PDXK: variants seen among roughly 807,000 people sequenced by gnomAD.
PDXK encodes epididymis secretory sperm binding protein Li 1a.
In PDXK, 15 loss-of-function variants were observed where a neutral mutation model predicts 43.2. The observed-to-expected ratio is 0.35, with a 90% CI of 0.23 to 0.53. The LOEUF (loss-of-function observed/expected upper bound fraction) is 0.53, where lower values mean the gene tolerates loss of function less well. PDXK is among the 20% of genes least tolerant of loss of function. PDXK has a pLI of 0.92. For missense variants in PDXK, 343 were observed against 417.0 expected, an observed-to-expected ratio of 0.82 and a Z score of 1.54; for synonymous variants, 172 against 165.4, an observed-to-expected ratio of 1.04 and a Z score of -0.31.
rs981561610 is a variant in PDXK, at chr21:43,719,595, G to A, written c.87+214G>A. 3.0e-6 allele frequency: 3 copies of A among 984,970 alleles called. No homozygotes were observed. The East Asian group carries it at 3.4e-4, about 112-fold the overall frequency. The allele number at this position is 984,970 out of a possible 1,614,324, so 61.0% of individuals were successfully genotyped here. On this transcript the variant is annotated intron_variant, in intron 1 of 10. Coordinates refer to ENST00000291565, the MANE Select transcript of PDXK (RefSeq NM_003681.5). The stretch of plus-strand genomic sequence containing the variant: ...CTGAGCGCTCTGCGGGCCCCTGCGG[G>A]TGGGACGGGTCCGGCGTCGGGGTAC...
chr21:43,736,478 C>T (rs1306994595), intron 2 of PDXK, among the ~76,000 whole-genome samples: 7 of 152,186 alleles, frequency 4.6e-5, no homozygotes, highest in Admixed American at 4.6e-4. Flanking sequence ...TGGGGTCATG[C>T]TGCCATGAAC....
intron 2 of PDXK, chr21:43,738,337 G>GT (rs2083438497): frequency 6.6e-6 from 1 of 152,356 alleles, no homozygotes. Flanking sequence ...ACCAGCCCTG[G>GT]TGACACCTGG....
At position 43,761,638 on chromosome 21, in the gene PDXK, T is replaced by C. The variant is rs961456417; in HGVS notation, c.*5575T>C. 1 of 152,224 alleles carries C rather than the reference T, an allele frequency of 6.6e-6. No individual in the cohort carries two copies. The highest frequency in any genetic ancestry group is 1.5e-5 in the Non-Finnish European group (1 of 68,070). 9.4% of individuals were successfully genotyped at this position (152,224 alleles called of 1,614,324 possible). ...TTGAGCTGCAAGCTGGGTCAGCGGCTCTGAAGCCCTCGAGTGACTTTCTAA... is the reference window on the plus strand; with the variant it reads ...TTGAGCTGCAAGCTGGGTCAGCGGCCCTGAAGCCCTCGAGTGACTTTCTAA... On this transcript the variant is annotated 3_prime_UTR_variant, in exon 11 of 11. Coordinates refer to ENST00000291565, the MANE Select transcript of PDXK (RefSeq NM_003681.5).
At chr21:43,753,216 A>T (rs928756920) in intron 8 of PDXK, among the ~76,000 whole-genome samples, 5 of 150,686 alleles carry the variant, frequency 3.3e-5, no homozygotes, top group African/African-American at 1.2e-4. Context: ...GCATACATGC[A>T]CACGGACACA....
At chr21:43,755,912 TC>T in intron 10 of PDXK, 38 bp from the exon 11 acceptor site, 2 of 1,527,682 alleles carry the variant, frequency 1.3e-6, no homozygotes, top group Non-Finnish European at 1.8e-6. Context: ...CGGGAGCCCC[TC>T]TGAGATGGGA....
rs1016657562 is a variant in PDXK at position 43,750,809 on chromosome 21, TGC to T, written c.510+269_510+270del. Among the ~76,000 whole-genome samples the T allele has an allele frequency of 7.3e-5, 11 of 151,288 alleles. No individual in the cohort carries two copies. In the South Asian group the frequency reaches 8.4e-4, roughly 11 times the overall value. The stretch of plus-strand genomic sequence containing the variant: ...GTGTGTGTGTGGATGTGTGCGTGTG[TGC>T]GCGCACCCATGTGTGCATGTGTGCA... On this transcript the variant is annotated intron_variant, in intron 7 of 10. Coordinates refer to ENST00000291565, the MANE Select transcript of PDXK (RefSeq NM_003681.5).
intron 7 of PDXK, among the ~76,000 whole-genome samples, chr21:43,750,860 G>A (rs1006692198): frequency 2.0e-5 from 3 of 151,430 alleles, no homozygotes; most frequent in African/African-American, 7.3e-5. Context: ...ACATGTGCAT[G>A]TGCGTCTGTG....
At chr21:43,750,741 GTGTGTGTGCA>G (rs923409108) in intron 7 of PDXK, among the ~76,000 whole-genome samples, 196 bp downstream of exon 7, 5 of 151,308 alleles carry the variant, frequency 3.3e-5, no homozygotes, top group African/African-American at 1.2e-4. Context: ...GCATGTGTGT[GTGTGTGTGCA>G]TGTGTGCGTG....
intron 10 of PDXK, 23 bp downstream of exon 10, chr21:43,755,787 G>A: frequency 1.2e-6 from 2 of 1,603,266 alleles, no homozygotes; most frequent in Non-Finnish European, 8.5e-7. Flanking sequence ...GGCTGCATGG[G>A]CTGCGTGGGC....
At position 43,732,096 on chromosome 21, in the gene PDXK, G is replaced by T; in HGVS notation, c.88-1973G>T. ...TGCCCCTGTGGGGAGAAGAGCCCCG[G>T]GGGAAGAAGAGCACTGCTGACAGAA... On this transcript the variant is annotated intron_variant, in intron 1 of 10. Transcript: ENST00000291565. This position sits in a 1 kb window ranked among gnomAD's most constrained non-coding sequence, Gnocchi z 4.1. 1.6e-6 allele frequency: 2 copies of T among 1,216,362 alleles called. No individual in the cohort carries two copies. The highest frequency in any genetic ancestry group is 3.9e-5 in the East Asian group (1 of 25,416). The allele number at this position is 1,216,362 out of a possible 1,614,324, so 75.3% of individuals were successfully genotyped here. A position where few individuals can be genotyped will look rare whatever the true frequency, so the allele number is the denominator to read the frequency against.
rs959476131 is a variant in PDXK, at chr21:43,734,517, G to T, written c.142+394G>T. ...CCAATGCCTGGCTCAGAGCGCAGCCGTGTGACTCCTGCTGTCCACCTGCCT... is the reference window on the plus strand; with the variant it reads ...CCAATGCCTGGCTCAGAGCGCAGCCTTGTGACTCCTGCTGTCCACCTGCCT... On this transcript the variant is annotated intron_variant, in intron 2 of 10. Coordinates refer to ENST00000291565, the MANE Select transcript of PDXK (RefSeq NM_003681.5). This position sits in a 1 kb window ranked among gnomAD's most constrained non-coding sequence, Gnocchi z 5.0. Among the ~76,000 whole-genome samples the T allele has an allele frequency of 6.6e-6, 1 of 152,232 alleles. No individual in the cohort carries two copies.
rs567995922 is a variant in PDXK at position 43,756,235 on chromosome 21, A to C, written c.*172A>C. On this transcript the variant is annotated 3_prime_UTR_variant, in exon 11 of 11. Coordinates refer to ENST00000291565, the MANE Select transcript of PDXK (RefSeq NM_003681.5). ...TGAAACGTGCCAGTCGTGCTTTGTG[A>C]AAAATAACAAAGTGGTCACAGAAAT... The C allele has an allele frequency of 3.8e-6, 2 of 523,590 alleles. No individual in the cohort carries two copies. Among genetic ancestry groups the C allele is most frequent in the African/African-American group, 3.9e-5 (2 of 51,842 alleles). 32.4% of individuals were successfully genotyped at this position (523,590 alleles called of 1,614,324 possible). A position where few individuals can be genotyped will look rare whatever the true frequency, so the allele number is the denominator to read the frequency against.
chr21:43,743,917 G>A (rs62229217), intron 4 of PDXK, 110 bp downstream of exon 4: 45 of 711,306 alleles, frequency 6.3e-5, no homozygotes, highest in Non-Finnish European at 9.4e-5. Flanking sequence ...GCACGCCTCC[G>A]TGCCCCGCCT....
At chr21:43,741,076 C>G (rs752993482) in intron 2 of PDXK, 1 of 138,932 alleles carries the variant, frequency 7.2e-6, no homozygotes, top group Non-Finnish European at 1.5e-5. Context: ...GTACCTGGGA[C>G]GCAGCTCCCG....
chr21:43,756,108 G>A lies in PDXK; in HGVS notation c.*45G>A, dbSNP rs148529944. 97 of 1,120,872 alleles carry A rather than the reference G, an allele frequency of 8.7e-5. No individual in the cohort carries two copies. The African/African-American group carries it at 1.3e-3, about 15-fold the overall frequency. 69.4% of individuals were successfully genotyped at this position (1,120,872 alleles called of 1,614,324 possible). A position where few individuals can be genotyped will look rare whatever the true frequency, so the allele number is the denominator to read the frequency against. On this transcript the variant is annotated 3_prime_UTR_variant, in exon 11 of 11. Transcript: ENST00000291565. Reference sequence around the variant, plus strand: ...TGACACGCAGCGCGTTGGTGTCTCCGTGTTTGTCCCTGTGAAAACATGTAA... The same window carrying A: ...TGACACGCAGCGCGTTGGTGTCTCCATGTTTGTCCCTGTGAAAACATGTAA...
chr21:43,756,265 G>T lies in PDXK; in HGVS notation c.*202G>T. 2.1e-6 allele frequency: 1 copy of T among 467,318 alleles called. No homozygotes were observed. The allele number at this position is 467,318 out of a possible 1,614,324, so 28.9% of individuals were successfully genotyped here. A position where few individuals can be genotyped will look rare whatever the true frequency, so the allele number is the denominator to read the frequency against. ...TAACAAAGTGGTCACAGAAATTTGTGATCTGAAAACCCGGCTCCCTTCCCC... is the reference window on the plus strand; with the variant it reads ...TAACAAAGTGGTCACAGAAATTTGTTATCTGAAAACCCGGCTCCCTTCCCC... On this transcript the variant is annotated 3_prime_UTR_variant, in exon 11 of 11. Transcript: ENST00000291565.
At chr21:43,743,944 T>C (rs2083592277) in intron 4 of PDXK, 137 bp downstream of exon 4, 3 of 673,330 alleles carry the variant, frequency 4.5e-6, no homozygotes, top group East Asian at 5.4e-5. Context: ...GCCAGTGAAT[T>C]GTGTCTGCTG....
chr21:43,719,498 C>G (rs1247702104), intron 1 of PDXK, 117 bp downstream of exon 1: 3 of 1,315,698 alleles, frequency 2.3e-6, no homozygotes, highest in African/African-American at 1.5e-5. Flanking sequence ...CAGAGCCTGG[C>G]GCGGGCGCCC....
intron 1 of PDXK, 89 bp downstream of exon 1, chr21:43,719,470 A>C: frequency 7.4e-7 from 1 of 1,352,688 alleles, no homozygotes; most frequent in Non-Finnish European, 9.9e-7. Flanking sequence ...TCCCCGAGGG[A>C]GGCTCGGGAG....
Sources: gnomAD v4.1 joint callset for allele counts (sites outside exome capture counted in the v4.1 genomes callset) on GRCh38, gnomAD v4.1.1 for gene constraint, Gnocchi (gnomAD v3.1) non-coding constraint, MANE v1.5 for transcripts, NCBI Gene and HGNC (gene_info 2026-07-23, HGNC 2026-07-21) for gene names.